The following GDPD1 variants were observed in gnomAD, a reference collection of about 807,000 sequenced individuals.
The protein encoded by GDPD1 is glycerophosphodiester phosphodiesterase domain containing 1.
Under a neutral mutation model 45.1 loss-of-function variants are expected in GDPD1, and 28 were observed. That is an observed-to-expected ratio of 0.62 (90% CI 0.46 to 0.85). GDPD1 has a LOEUF of 0.85. GDPD1 is among the 40% of genes least tolerant of loss of function. The pLI is 0.00. For synonymous variants in GDPD1, 139 were observed against 131.4 expected (o/e 1.06, Z -0.40); for missense variants, 256 against 364.8 (o/e 0.70, Z 2.43).
chr17:59,246,430 C>T (rs1015708355), intron 3 of GDPD1, among the ~76,000 whole-genome samples: 2 of 151,896 alleles, frequency 1.3e-5, no homozygotes, highest in African/African-American at 4.8e-5. Flanking sequence ...ACTAGCCTGG[C>T]CAACATGGCA....
chr17:59,267,745 C>T (rs1348306624), intron 7 of GDPD1, among the ~76,000 whole-genome samples: 2 of 151,462 alleles, frequency 1.3e-5, no homozygotes, highest in Non-Finnish European at 2.9e-5. Context: ...TCTCGACTCA[C>T]TGCAACCTCT....
At chr17:59,229,388 C>A (rs1373898916) in intron 1 of GDPD1, among the ~76,000 whole-genome samples, 1 of 151,448 alleles carries the variant, frequency 6.6e-6, no homozygotes, top group East Asian at 1.9e-4. Context: ...CCATACCCAG[C>A]TAATTTTTGT....
chr17:59,226,806 T>C (rs1331998110), intron 1 of GDPD1, among the ~76,000 whole-genome samples: 1 of 151,850 alleles, frequency 6.6e-6, no homozygotes, highest in Non-Finnish European at 1.5e-5. Flanking sequence ...TCCCGAGTAG[T>C]TGGAATTACA....
At chr17:59,271,579 C>A (rs1322493553) in intron 8 of GDPD1, among the ~76,000 whole-genome samples, 1 of 151,750 alleles carries the variant, frequency 6.6e-6, no homozygotes, top group Non-Finnish European at 1.5e-5. Flanking sequence ...CAAATCACAA[C>A]TTTTTATTAT....
intron 3 of GDPD1, among the ~76,000 whole-genome samples, chr17:59,246,962 T>C (rs1394058271): frequency 1.3e-5 from 2 of 151,744 alleles, no homozygotes; most frequent in Non-Finnish European, 2.9e-5. Context: ...GAGACGGGGT[T>C]TCACCATGTT....
intron 1 of GDPD1, among the ~76,000 whole-genome samples, chr17:59,230,281 T>C (rs1036232926): frequency 1.1e-4 from 16 of 141,326 alleles, no homozygotes; most frequent in African/African-American, 4.0e-4. Context: ...TAATTAAAAA[T>C]AGAAAAACTG....
At chr17:59,245,579 C>G in intron 3 of GDPD1, 30 bp downstream of exon 3, 3 of 1,550,222 alleles carry the variant, frequency 1.9e-6, no homozygotes, top group Non-Finnish European at 2.6e-6. Context: ...AAACTAATAT[C>G]TAATAGATGT....
chr17:59,239,762 GT>G (rs57499633), intron 2 of GDPD1, among the ~76,000 whole-genome samples: 62,776 of 142,642 alleles, frequency 0.44, 14,001 homozygotes, highest in African/African-American at 0.6. Flanking sequence ...AATATGTATA[GT>G]TTTTTTTTTT....
chr17:59,247,634 A>ATTT (rs559248195), intron 3 of GDPD1, among the ~76,000 whole-genome samples: 16 of 147,350 alleles, frequency 1.1e-4, no homozygotes, highest in African/African-American at 4.0e-4. Flanking sequence ...ACTGCACTGA[A>ATTT]TTTTTTTTTT....
intron 6 of GDPD1, chr17:59,260,748 G>A (rs971552272): frequency 6.6e-6 from 1 of 152,150 alleles, no homozygotes; most frequent in Non-Finnish European, 1.5e-5. Flanking sequence ...ACTCTTTGGT[G>A]GCTGATCTGA....
chr17:59,270,902 T>C, intron 7 of GDPD1, 34 bp from the exon 8 acceptor site: 1 of 1,394,760 alleles, frequency 7.2e-7, no homozygotes, highest in Non-Finnish European at 1.0e-6. Context: ...TTTCTGTGTT[T>C]CTAATTTGTA....
At chr17:59,247,653 G>A (rs1162708281) in intron 3 of GDPD1, among the ~76,000 whole-genome samples, 3 of 151,196 alleles carry the variant, frequency 2.0e-5, no homozygotes, top group Admixed American at 2.0e-4. Flanking sequence ...TTTTGAGACA[G>A]AGTTTCACTC....
At position 59,261,658 on chromosome 17, in the gene GDPD1, G is replaced by A. The variant is rs371381002; in HGVS notation, c.576+3818G>A. Among the ~76,000 whole-genome samples, 4 of 151,696 alleles carry A rather than the reference G, an allele frequency of 2.6e-5. No homozygotes were observed. The East Asian group carries it at 7.8e-4, about 29-fold the overall frequency. Reference sequence around the variant, plus strand: ...CTACAGGTGCATGCCATCATGCCTGGCAAATTTTTTGATTTTTTTTTGCAG... The same window carrying A: ...CTACAGGTGCATGCCATCATGCCTGACAAATTTTTTGATTTTTTTTTGCAG... On this transcript the variant is annotated intron_variant, in intron 6 of 9. Transcript: ENST00000284116.
chr17:59,274,096 C>G lies in GDPD1; in HGVS notation c.*323C>G. 2.6e-6 allele frequency: 2 copies of G among 759,000 alleles called. No homozygotes were observed. The highest frequency in any genetic ancestry group is 1.6e-6 in the Non-Finnish European group (1 of 624,074). The allele number at this position is 759,000 out of a possible 1,614,324, so 47.0% of individuals were successfully genotyped here. A position where few individuals can be genotyped will look rare whatever the true frequency, so the allele number is the denominator to read the frequency against. On this transcript the variant is annotated 3_prime_UTR_variant, in exon 10 of 10. Transcript: ENST00000284116. ...AACATACACAGAAATGTACATACTA[C>G]ATCATCTACAGAAATCTTGATCAAT... is the stretch of plus-strand genomic sequence containing the variant.
At chr17:59,237,274 A>C (rs896043407) in intron 2 of GDPD1, among the ~76,000 whole-genome samples, 10 of 152,040 alleles carry the variant, frequency 6.6e-5, no homozygotes, top group African/African-American at 2.4e-4. Context: ...TGGTGGTGCA[A>C]GCTGTAGTCA....
chr17:59,266,131 A>C (rs2047397279), intron 6 of GDPD1, among the ~76,000 whole-genome samples: 1 of 152,094 alleles, frequency 6.6e-6, no homozygotes, highest in African/African-American at 2.4e-5. Flanking sequence ...TCACACTTGT[A>C]ATCCCAACAC....
rs139432483 is a variant in GDPD1 at position 59,273,005 on chromosome 17, G to A, written c.822+169G>A. On this transcript the variant is annotated intron_variant, in intron 9 of 9. Coordinates refer to ENST00000284116, the MANE Select transcript of GDPD1 (RefSeq NM_182569.4). ...GCTCTTCCTTACACTTAGCAATAAA[G>A]CATTGGCATTTCTGGATCTAGATTC... 4.6e-5 allele frequency: 66 copies of A among 1,440,594 alleles called. No homozygotes were observed. In the African/African-American group the frequency reaches 9.3e-4, roughly 20 times the overall value. 89.2% of individuals were successfully genotyped at this position (1,440,594 alleles called of 1,614,324 possible). A position where few individuals can be genotyped will look rare whatever the true frequency, so the allele number is the denominator to read the frequency against.
At chr17:59,253,377 AT>A (rs1177811340) in intron 4 of GDPD1, among the ~76,000 whole-genome samples, 2 of 152,058 alleles carry the variant, frequency 1.3e-5, no homozygotes, top group East Asian at 3.9e-4. Flanking sequence ...ATGTATTATT[AT>A]TTTTAAGTAG....
At chr17:59,255,716 C>G (rs2147894072) in intron 4 of GDPD1, among the ~76,000 whole-genome samples, 1 of 121,126 alleles carries the variant, frequency 8.3e-6, no homozygotes, top group South Asian at 2.6e-4. Context: ...GCACTCCAGC[C>G]TGGGCAACAA....
Sources: gnomAD v4.1 joint callset for allele counts (sites outside exome capture counted in the v4.1 genomes callset) on GRCh38, gnomAD v4.1.1 for gene constraint, MANE v1.5 for transcripts, NCBI Gene and HGNC (gene_info 2026-07-23, HGNC 2026-07-21) for gene names.